Variants in TMEM132E observed in about 807,000 individuals in gnomAD.
The protein encoded by TMEM132E is transmembrane protein 132E.
A neutral mutation model predicts 78.5 loss-of-function variants in TMEM132E; 49 were observed. The observed-to-expected ratio is 0.62, with a 90% confidence interval of 0.50 to 0.79. TMEM132E has a LOEUF of 0.79. Among genes scored for constraint, TMEM132E ranks in the 30% least tolerant of loss-of-function variants. The pLI is 0.00. For missense variants in TMEM132E, 1,403 were observed against 1,470.9 expected (o/e 0.95, Z 0.75); for synonymous variants, 715 against 670.6 (o/e 1.07, Z -1.02).
chr17:34,629,332 C>A lies in TMEM132E; in HGVS notation c.1338+128C>A, dbSNP rs979967082. 1.2e-5 allele frequency: 13 copies of A among 1,069,230 alleles called. No individual in the cohort carries two copies. In the African/African-American group the frequency reaches 1.9e-4, roughly 16 times the overall value. The allele number at this position is 1,069,230 out of a possible 1,614,324, so 66.2% of individuals were successfully genotyped here. On this transcript the variant is annotated intron_variant, in intron 4 of 8. Transcript: ENST00000631683. ...TGTGTGTATATGTGAGACTTCCTGCCATGCCCAGGTATGCCTGTGTGAGAA... is the reference window on the plus strand; with the variant it reads ...TGTGTGTATATGTGAGACTTCCTGCAATGCCCAGGTATGCCTGTGTGAGAA...
intron 1 of TMEM132E, among the ~76,000 whole-genome samples, chr17:34,588,365 A>T (rs1905750969): frequency 6.6e-6 from 1 of 152,178 alleles, no homozygotes; most frequent in Non-Finnish European, 1.5e-5. Flanking sequence ...ATAGACCTGG[A>T]ACGTGTGTGA....
intron 1 of TMEM132E, among the ~76,000 whole-genome samples, chr17:34,613,209 A>G (rs11650234): frequency 0.026 from 1,622 of 63,434 alleles, 21 homozygotes; most frequent in East Asian, 0.044. Context: ...ACACACACAC[A>G]CACGCGCGCG....
chr17:34,605,913 T>C (rs1906399029), intron 1 of TMEM132E, among the ~76,000 whole-genome samples: 1 of 152,174 alleles, frequency 6.6e-6, no homozygotes. Flanking sequence ...TCTACATGCG[T>C]CCCATTCATT....
At chr17:34,628,811 G>T in intron 3 of TMEM132E, 102 bp downstream of exon 3, 1 of 1,435,916 alleles carries the variant, frequency 7.0e-7, no homozygotes, top group African/African-American at 1.4e-5. Flanking sequence ...GAGGGCTGGG[G>T]CTCGGTCATT....
chr17:34,581,024 C>G lies in TMEM132E; in HGVS notation c.-53C>G. The G allele has an allele frequency of 6.8e-7, 1 of 1,471,176 alleles. No individual in the cohort carries two copies. Among genetic ancestry groups the G allele is most frequent in the Non-Finnish European group, 9.1e-7 (1 of 1,098,950 alleles). The allele number at this position is 1,471,176 out of a possible 1,614,324, so 91.1% of individuals were successfully genotyped here. On this transcript the variant is annotated 5_prime_UTR_variant, in exon 1 of 9. Coordinates refer to ENST00000631683, the MANE Select transcript of TMEM132E (RefSeq NM_001304438.2). ...GATGTGACCAAGCCCAGCCTGGGGC[C>G]AAGTCGTCGTCGACTGTTGCTCTCT... is the stretch of plus-strand genomic sequence containing the variant.
In TMEM132E at chr17:34,587,466, C is replaced by A. The variant is rs562424769; in HGVS notation, c.67+6323C>A. On this transcript the variant is annotated intron_variant, in intron 1 of 8. Coordinates refer to ENST00000631683, the MANE Select transcript of TMEM132E (RefSeq NM_001304438.2). The stretch of plus-strand genomic sequence containing the variant: ...CCCCAATAAGATGAGGGAGGCACAG[C>A]TCCAGATCTCAGGGGTAGCCTTTAT... 2.0e-4 allele frequency among the ~76,000 whole-genome samples: 31 copies of A among 152,290 alleles called. No individual in the cohort carries two copies. The South Asian group carries it at 5.0e-3, about 24-fold the overall frequency.
Position 34,636,130 on chromosome 17 carries a change from A to C in TMEM132E, c.2101A>C (p.Ser701Arg). The change falls in exon 8 of 9, where the codon AGC (serine) becomes CGC (arginine). Residue 701 changes from serine (S) to arginine (R), a missense_variant. This residue lies in a region of TMEM132E where 888 missense variants were observed against 952.8 expected (regional missense o/e 0.93). Coordinates refer to ENST00000631683, the MANE Select transcript of TMEM132E (RefSeq NM_001304438.2). Reference protein sequence around the residue: ...VASLALSLRPSPGSSHTILAT... With the variant: ...VASLALSLRPRPGSSHTILAT... ...CAGCCTGGCCCTCTCCCTGCGGCCC[A>C]GCCCTGGGAGCAGCCACACCATCCT... is the stretch of plus-strand genomic sequence containing the variant. 3 of 1,590,434 alleles carry C rather than the reference A, an allele frequency of 1.9e-6. No homozygotes were observed. The highest frequency in any genetic ancestry group is 2.6e-6 in the Non-Finnish European group (3 of 1,169,490).
chr17:34,604,866 G>A lies in TMEM132E; in HGVS notation c.68-21261G>A, dbSNP rs1205992948. Among the ~76,000 whole-genome samples the A allele has an allele frequency of 5.3e-5, 8 of 152,348 alleles. 1 individual carries two copies. The East Asian group carries it at 9.6e-4, about 18-fold the overall frequency. Reference sequence around the variant, plus strand: ...TTTCCTCCTCACGACAGCCCCATGAGCTGGATGTTACTGTTGTCAGCACTT... The same window carrying A: ...TTTCCTCCTCACGACAGCCCCATGAACTGGATGTTACTGTTGTCAGCACTT... On this transcript the variant is annotated intron_variant, in intron 1 of 8. Coordinates refer to ENST00000631683, the MANE Select transcript of TMEM132E (RefSeq NM_001304438.2).
intron 6 of TMEM132E, among the ~76,000 whole-genome samples, chr17:34,633,544 A>G (rs1463862196): frequency 6.6e-6 from 1 of 152,172 alleles, no homozygotes; most frequent in Non-Finnish European, 1.5e-5. Context: ...CCAATCACCC[A>G]CTCAGAGCTG....
chr17:34,638,363 G>T lies in TMEM132E; in HGVS notation c.*131G>T. 3.8e-6 allele frequency: 4 copies of T among 1,049,232 alleles called. No individual in the cohort carries two copies. The South Asian group carries it at 5.2e-5, about 14-fold the overall frequency. The allele number at this position is 1,049,232 out of a possible 1,614,324, so 65.0% of individuals were successfully genotyped here. A position where few individuals can be genotyped will look rare whatever the true frequency, so the allele number is the denominator to read the frequency against. On this transcript the variant is annotated 3_prime_UTR_variant, in exon 9 of 9. Coordinates refer to ENST00000631683, the MANE Select transcript of TMEM132E (RefSeq NM_001304438.2). ...TTTGTACTCCCTGCCCCTGCAGCTT[G>T]GCTCCGTGCGGAGCGGGCCGCCTCA...
chr17:34,618,227 A>AT lies in TMEM132E; in HGVS notation c.68-7893dup, dbSNP rs1016101792. Among the ~76,000 whole-genome samples, 6 of 151,998 alleles carry AT rather than the reference A, an allele frequency of 3.9e-5. 1 individual carries two copies. The highest frequency in any genetic ancestry group is 1.2e-4 in the African/African-American group (5 of 41,450). On this transcript the variant is annotated intron_variant, in intron 1 of 8. Transcript: ENST00000631683. ...AGCATTACAGTGAACATCTATGTAA[A>AT]TTTTTTTGTTTTTTGTTTGTTTGTT...
At chr17:34,628,391 A>G (rs1341153276) in intron 2 of TMEM132E, among the ~76,000 whole-genome samples, 172 bp from the exon 3 acceptor site, 1 of 152,202 alleles carries the variant, frequency 6.6e-6, no homozygotes, top group Non-Finnish European at 1.5e-5. Context: ...CAGCTGTGTG[A>G]TACCAGATTC....
chr17:34,585,925 A>G (rs1905657377), intron 1 of TMEM132E, among the ~76,000 whole-genome samples: 1 of 152,196 alleles, frequency 6.6e-6, no homozygotes, highest in Non-Finnish European at 1.5e-5. Context: ...AGGATACAGG[A>G]TATCTGGGTT....
chr17:34,594,952 C>T (rs1490938719), intron 1 of TMEM132E, among the ~76,000 whole-genome samples: 1 of 152,204 alleles, frequency 6.6e-6, no homozygotes, highest in Non-Finnish European at 1.5e-5. Context: ...GAGATGAAGA[C>T]ACAGTGGCTG....
chr17:34,594,089 C>A (rs528903315), intron 1 of TMEM132E, among the ~76,000 whole-genome samples: 3 of 152,308 alleles, frequency 2.0e-5, no homozygotes, highest in Admixed American at 1.3e-4. Flanking sequence ...TGTCCCCTGA[C>A]CCTGCTCTGT....
Position 34,637,776 on chromosome 17 carries a change from C to G in TMEM132E, c.2769C>G (p.Pro923=), listed in dbSNP as rs1907583068. Residue 923 remains proline (P), a synonymous_variant, in exon 9 of 9, where the codon CCC becomes CCG. Transcript: ENST00000631683. The part of the protein sequence containing the change: ...VLRYRHKRIP[P]EGQTSMDHSH... Reference sequence around the variant, plus strand: ...GCTACCGGCACAAGCGCATCCCGCCCGAGGGCCAGACCAGCATGGACCACT... The same window carrying G: ...GCTACCGGCACAAGCGCATCCCGCCGGAGGGCCAGACCAGCATGGACCACT... 1 of 1,613,406 alleles carries G rather than the reference C, an allele frequency of 6.2e-7. No individual in the cohort carries two copies. The highest frequency in any genetic ancestry group is 1.1e-5 in the South Asian group (1 of 91,094).
intron 1 of TMEM132E, among the ~76,000 whole-genome samples, chr17:34,623,976 C>T (rs1907045075): frequency 2.6e-5 from 4 of 152,304 alleles, no homozygotes; most frequent in African/African-American, 7.2e-5. Context: ...GCATTTCTTG[C>T]CGGTGATTTC....
At chr17:34,597,343 T>G (rs1307720581) in intron 1 of TMEM132E, among the ~76,000 whole-genome samples, 3 of 152,012 alleles carry the variant, frequency 2.0e-5, no homozygotes, top group African/African-American at 7.3e-5. Context: ...CTAGCTTTCC[T>G]TGTTCTGCAT....
At chr17:34,590,256 T>TC (rs796880153) in intron 1 of TMEM132E, among the ~76,000 whole-genome samples, 34 of 152,126 alleles carry the variant, frequency 2.2e-4, no homozygotes, top group Admixed American at 7.8e-4. Flanking sequence ...CCAGGAATCC[T>TC]CCCCCCCGGA....
Sources: allele counts gnomAD v4.1 joint callset (sites outside exome capture counted in the v4.1 genomes callset), GRCh38; gene constraint gnomAD v4.1.1; regional missense constraint gnomAD v4.1.1; transcripts MANE v1.5; gene names NCBI Gene and HGNC (gene_info 2026-07-23, HGNC 2026-07-21).